PDE4D: variants seen among roughly 807,000 people sequenced by gnomAD.
PDE4D encodes phosphodiesterase 4D.
In PDE4D, 24 loss-of-function variants were observed where a neutral mutation model predicts 87.4. That is an observed-to-expected ratio of 0.27 (90% confidence interval 0.20 to 0.39). The LOEUF (loss-of-function observed/expected upper bound fraction) is 0.39, where lower values mean the gene tolerates loss of function less well. Among genes scored for constraint, PDE4D ranks in the 10% least tolerant of loss-of-function variants. PDE4D has a pLI of 1.00. For synonymous variants in PDE4D, 384 were observed against 383.2 expected (o/e 1.00, Z -0.02); for missense variants, 714 against 1,041.0 (o/e 0.69, Z 4.32).
chr5:59,832,705 G>A (rs1741436146), intron 1 of PDE4D, among the ~76,000 whole-genome samples: 1 of 151,996 alleles, frequency 6.6e-6, no homozygotes, highest in African/African-American at 2.4e-5. Context: ...CATTTTTAAA[G>A]TTTGGTACTT....
intron 1 of PDE4D, among the ~76,000 whole-genome samples, chr5:59,535,526 T>G (rs902114503): frequency 6.6e-6 from 1 of 152,206 alleles, no homozygotes; most frequent in Non-Finnish European, 1.5e-5. Flanking sequence ...AAAAAGATAA[T>G]ATGTGATAAA....
intron 1 of PDE4D, among the ~76,000 whole-genome samples, chr5:59,627,845 T>C (rs1043295114): frequency 3.9e-5 from 6 of 152,186 alleles, no homozygotes; most frequent in African/African-American, 1.4e-4. Flanking sequence ...TGAGAATCTA[T>C]ATACTTTCCA....
chr5:59,069,350 A>G (rs2153416511), intron 5 of PDE4D, among the ~76,000 whole-genome samples: 1 of 152,286 alleles, frequency 6.6e-6, no homozygotes, highest in Non-Finnish European at 1.5e-5. Context: ...TTCCATGTGA[A>G]AGCATCTCCA....
In PDE4D at chr5:59,681,760, G is replaced by A. The variant is rs180828284; in HGVS notation, c.455+211408C>T. Reference sequence around the variant, plus strand: ...CTAAACAAAATACAAAAAATTAGCCGGGCGTGGTGGTGGGTGCCTGTAGTC... The same window carrying A: ...CTAAACAAAATACAAAAAATTAGCCAGGCGTGGTGGTGGGTGCCTGTAGTC... On this transcript the variant is annotated intron_variant, in intron 1 of 14. Coordinates refer to ENST00000340635, the MANE Select transcript of PDE4D (RefSeq NM_001104631.2). 1.1e-4 allele frequency among the ~76,000 whole-genome samples: 17 copies of A among 151,922 alleles called. No homozygotes were observed. In the East Asian group the frequency reaches 2.1e-3, roughly 19 times the overall value.
At chr5:59,612,217 T>G (rs1278486706) in intron 1 of PDE4D, among the ~76,000 whole-genome samples, 1 of 131,344 alleles carries the variant, frequency 7.6e-6, no homozygotes, top group Non-Finnish European at 1.6e-5. Context: ...ATATTCTGAT[T>G]CCTTGATTGA....
chr5:59,219,622 A>T (rs1247639999), intron 1 of PDE4D, among the ~76,000 whole-genome samples: 1 of 152,160 alleles, frequency 6.6e-6, no homozygotes, highest in Non-Finnish European at 1.5e-5. Context: ...TATACTACAC[A>T]TTGTCCTTTT....
intron 2 of PDE4D, among the ~76,000 whole-genome samples, chr5:60,140,897 A>C (rs1213411551): frequency 6.6e-6 from 1 of 152,188 alleles, no homozygotes; most frequent in East Asian, 1.9e-4. Flanking sequence ...AAACTCACTC[A>C]TGTGGGCTTA....
intron 5 of PDE4D, among the ~76,000 whole-genome samples, chr5:59,065,042 G>A (rs1763669251): frequency 7.5e-6 from 1 of 134,224 alleles, no homozygotes; most frequent in Admixed American, 7.6e-5. Context: ...ACAGATGAAT[G>A]GACAAAGGAA....
intron 1 of PDE4D, among the ~76,000 whole-genome samples, chr5:60,515,454 T>C (rs1460395877): frequency 1.3e-5 from 2 of 152,180 alleles, no homozygotes; most frequent in Non-Finnish European, 2.9e-5. Context: ...AAATTTCTAA[T>C]ACATGGTGTT....
intron 1 of PDE4D, among the ~76,000 whole-genome samples, chr5:59,764,999 G>A (rs1167035360): frequency 6.6e-6 from 1 of 152,114 alleles, no homozygotes; most frequent in East Asian, 1.9e-4. Context: ...CTAAAATATT[G>A]ATTAATGAAT....
At chr5:60,474,105 C>CATTTAT (rs1748082987) in intron 1 of PDE4D, among the ~76,000 whole-genome samples, 1 of 30,982 alleles carries the variant, frequency 3.2e-5, no homozygotes, top group East Asian at 1.1e-3. Context: ...TTTGAGCTGC[C>CATTTAT]ATATATATAT....
At chr5:59,268,825 A>C (rs1281820282) in intron 1 of PDE4D, among the ~76,000 whole-genome samples, 1 of 152,066 alleles carries the variant, frequency 6.6e-6, no homozygotes, top group African/African-American at 2.4e-5. Context: ...AAAAGCTTAA[A>C]AACTCCTTAA....
At chr5:60,160,748 C>G in intron 2 of PDE4D, 2 of 440,122 alleles carry the variant, frequency 4.5e-6, no homozygotes, top group South Asian at 3.3e-5. Flanking sequence ...CAGAAGTAAC[C>G]AGAAATACTT....
intron 1 of PDE4D, among the ~76,000 whole-genome samples, chr5:59,885,290 T>C (rs1422234154): frequency 1.3e-5 from 2 of 152,164 alleles, no homozygotes; most frequent in Non-Finnish European, 2.9e-5. Context: ...TTTCAAAATG[T>C]TCTTTACTAT....
chr5:60,377,774 A>G (rs1408083120), intron 1 of PDE4D, among the ~76,000 whole-genome samples: 3 of 152,212 alleles, frequency 2.0e-5, no homozygotes, highest in Non-Finnish European at 4.4e-5. Flanking sequence ...ACGTTTCATC[A>G]TGCTGAAAGG....
At chr5:60,028,298 C>A (rs1035476257) in intron 2 of PDE4D, among the ~76,000 whole-genome samples, 2 of 152,140 alleles carry the variant, frequency 1.3e-5, no homozygotes, top group African/African-American at 4.8e-5. Context: ...TCCTTTCACA[C>A]TGGATACAAT....
intron 1 of PDE4D, among the ~76,000 whole-genome samples, chr5:59,244,020 A>C (rs911035227): frequency 4.6e-5 from 7 of 152,186 alleles, no homozygotes; most frequent in Admixed American, 3.3e-4. Flanking sequence ...TCATTTTATT[A>C]CATGTAAAAT....
At chr5:59,190,668 G>A (rs967763690) in intron 3 of PDE4D, among the ~76,000 whole-genome samples, 8 of 152,054 alleles carry the variant, frequency 5.3e-5, no homozygotes, top group African/African-American at 1.9e-4. Flanking sequence ...GCTTTACTTT[G>A]TATTAAAGAA....
Position 59,158,004 on chromosome 5 carries a change from C to A in PDE4D, c.808+22591G>T, listed in dbSNP as rs143032978. ...TTTGCGTGAGTGGCTCTCCATTGGG[C>A]TCTTCTAACTCAAAAGAGATAATTG... On this transcript the variant is annotated intron_variant, in intron 5 of 14. Transcript: ENST00000340635. Among the ~76,000 whole-genome samples the A allele has an allele frequency of 2.8e-3, 420 of 152,286 alleles. 2 individuals carry two copies. The highest frequency in any genetic ancestry group is 9.6e-3 in the African/African-American group (399 of 41,568).
Sources: allele counts gnomAD v4.1 joint callset (sites outside exome capture counted in the v4.1 genomes callset), GRCh38; gene constraint gnomAD v4.1.1; transcripts MANE v1.5; gene names NCBI Gene and HGNC (gene_info 2026-07-23, HGNC 2026-07-21).